The following NCOA2 variants were observed in gnomAD, a reference collection of about 807,000 sequenced individuals.
The protein encoded by NCOA2 is class E basic helix-loop-helix protein 75.
Under a neutral mutation model 145.1 loss-of-function variants are expected in NCOA2, and 21 were observed. That is an observed-to-expected ratio of 0.14 (90% CI 0.10 to 0.21). The LOEUF (loss-of-function observed/expected upper bound fraction) is 0.21. Among genes scored for constraint, NCOA2 ranks in the 10% least tolerant of loss-of-function variants. The pLI is 1.00. For missense variants in NCOA2, 1,472 were observed against 1,837.6 expected, an observed-to-expected ratio of 0.80 and a Z score of 3.64; for synonymous variants, 619 against 637.5, an observed-to-expected ratio of 0.97 and a Z score of 0.44.
intron 2 of NCOA2, among the ~76,000 whole-genome samples, chr8:70,285,986 TG>T (rs1192592583): frequency 6.6e-6 from 1 of 152,188 alleles, no homozygotes; most frequent in Admixed American, 6.5e-5. Context: ...CAGCTAAAAA[TG>T]GGGTAAGTTC....
chr8:70,139,648 T>TC (rs1810147959), intron 14 of NCOA2, among the ~76,000 whole-genome samples: 1 of 138,416 alleles, frequency 7.2e-6, no homozygotes, highest in Non-Finnish European at 1.6e-5. Context: ...GGCCATCTTT[T>TC]TTTTTTTTTT....
At chr8:70,203,440 T>TA (rs1295168325) in intron 4 of NCOA2, among the ~76,000 whole-genome samples, 256 of 151,940 alleles carry the variant, frequency 1.7e-3, no homozygotes, top group African/African-American at 6.1e-3. Flanking sequence ...GATTTGTTTT[T>TA]AAAAAAACAA....
At chr8:70,443,726 T>C in the NCOA2 span, among the ~76,000 whole-genome samples, 2 of 152,202 alleles carry the variant, frequency 1.3e-5, no homozygotes, top group Non-Finnish European at 1.5e-5. Flanking sequence ...CCACCATGCC[T>C]GGCTAATAAA....
intron 2 of NCOA2, among the ~76,000 whole-genome samples, chr8:70,265,170 G>A (rs2135150591): frequency 6.6e-6 from 1 of 152,290 alleles, no homozygotes; most frequent in African/African-American, 2.4e-5. Flanking sequence ...ATGTTTAGAG[G>A]AGGTCATGAG....
At chr8:70,173,852 G>GA (rs1404034080) in intron 5 of NCOA2, among the ~76,000 whole-genome samples, 7 of 150,690 alleles carry the variant, frequency 4.6e-5, no homozygotes, top group African/African-American at 9.8e-5. Context: ...AGCATCAACT[G>GA]AAAAAAAAGA....
chr8:70,289,427 A>C (rs1586382592), intron 2 of NCOA2, among the ~76,000 whole-genome samples: 1 of 152,296 alleles, frequency 6.6e-6, no homozygotes, highest in Middle Eastern at 3.4e-3. Flanking sequence ...GGTATCTTAA[A>C]AATTTCCCCA....
chr8:70,418,138 A>G, the NCOA2 span, among the ~76,000 whole-genome samples: 4,688 of 152,282 alleles, frequency 0.031, 126 homozygotes, highest in South Asian at 0.076. Flanking sequence ...ACCTGTGAAT[A>G]GTGGGTATGG....
chr8:70,361,801 G>T (rs1317641204), intron 1 of NCOA2, among the ~76,000 whole-genome samples: 1 of 152,182 alleles, frequency 6.6e-6, no homozygotes, highest in African/African-American at 2.4e-5. Flanking sequence ...ATCTAAATGG[G>T]CTAAATATTT....
chr8:70,242,707 C>T (rs1463039310), intron 2 of NCOA2, among the ~76,000 whole-genome samples: 1 of 151,986 alleles, frequency 6.6e-6, no homozygotes, highest in Non-Finnish European at 1.5e-5. Context: ...AATATAGCCC[C>T]GTACTTTAAT....
At position 70,124,102 on chromosome 8, in the gene NCOA2, T is replaced by C. The variant is rs183717073; in HGVS notation, c.4095-20A>G. ...AACATGCTGGAATACAATGGAAAGA[T>C]TGAATGAATGTTACAGCTTGCTGGT... is the stretch of plus-strand genomic sequence containing the variant. On this transcript the variant is annotated intron_variant, in intron 20 of 22. Coordinates refer to ENST00000452400, the MANE Select transcript of NCOA2 (RefSeq NM_006540.4). 85 of 1,607,412 alleles carry C rather than the reference T, an allele frequency of 5.3e-5. No homozygotes were observed. Among genetic ancestry groups the C allele is most frequent in the South Asian group, 2.3e-4 (21 of 89,984 alleles).
rs941542926 is a variant in NCOA2, at chr8:70,369,479, T to C, written c.-77+34221A>G. On this transcript the variant is annotated intron_variant, in intron 1 of 22. Transcript: ENST00000452400. ...TAATAGAACAGAGAAATGTAATATA[T>C]TGCAACTCAGTTTTCTGATTAGTGA... Among the ~76,000 whole-genome samples the C allele has an allele frequency of 3.3e-5, 5 of 152,308 alleles. No individual in the cohort carries two copies. In the East Asian group the frequency reaches 7.7e-4, roughly 23 times the overall value.
chr8:70,328,700 A>G (rs1806809796), intron 1 of NCOA2, among the ~76,000 whole-genome samples: 1 of 152,144 alleles, frequency 6.6e-6, no homozygotes, highest in South Asian at 2.1e-4. Context: ...TTCACATTAA[A>G]TATTTTTTCA....
chr8:70,216,543 A>G, intron 3 of NCOA2, 117 bp downstream of exon 3: 1 of 807,466 alleles, frequency 1.2e-6, no homozygotes, highest in Non-Finnish European at 2.1e-6. Flanking sequence ...TTAACTGTTA[A>G]GGAGAAAAAC....
At position 70,321,793 on chromosome 8, in the gene NCOA2, C is replaced by CTTTTTTTTTTTTTTTTTTT. The variant is rs559680322; in HGVS notation, c.-76-25012_-76-24994dup. 6.3e-4 allele frequency among the ~76,000 whole-genome samples: 46 copies of CTTTTTTTTTTTTTTTTTTT among 73,568 alleles called. 11 individuals are homozygous for CTTTTTTTTTTTTTTTTTTT. The East Asian group carries it at 8.4e-3, about 13-fold the overall frequency. The allele number at this position is 73,568 out of a possible 152,430, so 48.3% of individuals were successfully genotyped here. A position where few individuals can be genotyped will look rare whatever the true frequency, so the allele number is the denominator to read the frequency against. ...TGCTTTCCTAAGTTTCAGAATATAC[C>CTTTTTTTTTTTTTTTTTTT]TTTTTTTTTTTTTTTTTTTTTTTTT... On this transcript the variant is annotated intron_variant, in intron 1 of 22. Transcript: ENST00000452400.
chr8:70,150,953 G>C (rs186418311), intron 11 of NCOA2, among the ~76,000 whole-genome samples: 1 of 152,148 alleles, frequency 6.6e-6, no homozygotes, highest in East Asian at 1.9e-4. Context: ...CATGAAGATA[G>C]ATCAGAAAAA....
At chr8:70,404,847 GT>G (rs906174374), upstream of NCOA2, among the ~76,000 whole-genome samples, 127 of 151,786 alleles carry the variant, frequency 8.4e-4, 1 homozygote, top group African/African-American at 2.9e-3. Context: ...GGAAAAGCAA[GT>G]TTTTTTTCCA....
At chr8:70,273,564 C>A in intron 2 of NCOA2, 1 of 751,614 alleles carries the variant, frequency 1.3e-6, no homozygotes. Flanking sequence ...AACCAAGCAA[C>A]AGTGATCCAC....
At chr8:70,377,158 T>C (rs1378348809) in intron 1 of NCOA2, among the ~76,000 whole-genome samples, 2 of 152,000 alleles carry the variant, frequency 1.3e-5, no homozygotes, top group Non-Finnish European at 2.9e-5. Context: ...CAAAGCTCCC[T>C]TAATGAGTCA....
At chr8:70,138,735 A>G (rs1258725700) in intron 14 of NCOA2, among the ~76,000 whole-genome samples, 1 of 152,276 alleles carries the variant, frequency 6.6e-6, no homozygotes, top group Non-Finnish European at 1.5e-5. Context: ...AGTGGAAGAA[A>G]TAAGATTTTT....
Sources: allele counts gnomAD v4.1 joint callset (sites outside exome capture counted in the v4.1 genomes callset), GRCh38; gene constraint gnomAD v4.1.1; transcripts MANE v1.5; gene names NCBI Gene and HGNC (gene_info 2026-07-23, HGNC 2026-07-21).